ADCY4: variants seen among roughly 807,000 people sequenced by gnomAD.
ADCY4 encodes adenylate cyclase 4, also known as adenylate cyclase type 4.
Under a neutral mutation model 125.5 loss-of-function variants are expected in ADCY4, and 111 were observed. The ratio of observed to expected loss-of-function variants is 0.88; its 90% CI spans 0.76 to 1.04. The LOEUF is 1.04. Ranked by LOEUF, ADCY4 falls within the 50% of genes least tolerant of loss-of-function variation. The pLI is 0.00. For missense variants in ADCY4, 1,256 were observed against 1,382.9 expected, an observed-to-expected ratio of 0.91 and a Z score of 1.46; for synonymous variants, 576 against 586.9, an observed-to-expected ratio of 0.98 and a Z score of 0.27.
intron 16 of ADCY4, 199 bp from the exon 17 acceptor site, chr14:24,323,653 A>G (rs1165476564): frequency 4.3e-6 from 6 of 1,403,142 alleles, no homozygotes; most frequent in Non-Finnish European, 5.6e-6. Flanking sequence ...CGTCAAGAGT[A>G]CTCCTCTGAC....
chr14:24,323,190 G>A (rs965375726), intron 17 of ADCY4, 102 bp from the exon 18 acceptor site: 2 of 1,434,504 alleles, frequency 1.4e-6, no homozygotes, highest in Non-Finnish European at 1.9e-6. Flanking sequence ...GTCCTATCTG[G>A]GAGACAGGGG....
In ADCY4 at chr14:24,329,053, G is replaced by A. The variant is rs1165548663; in HGVS notation, c.1524+8C>T. On this transcript the variant is annotated splice_region_variant and intron_variant, in intron 10 of 24. Coordinates refer to ENST00000418030, the MANE Select transcript of ADCY4 (RefSeq NM_001198568.2). ...AAGCTCTGGGGCTCAGGATGAAGGT[G>A]CACATACCGGGAGAGGGGTGGAGGT... The A allele has an allele frequency of 1.9e-6, 3 of 1,612,558 alleles. No individual in the cohort carries two copies. The highest frequency in any genetic ancestry group is 2.5e-6 in the Non-Finnish European group (3 of 1,179,344).
intron 1 of ADCY4, among the ~76,000 whole-genome samples, chr14:24,333,448 T>C (rs2139229431): frequency 6.6e-6 from 1 of 152,150 alleles, no homozygotes; most frequent in South Asian, 2.1e-4. Context: ...CAGGCTGGTC[T>C]CGAGCTCCTG....
intron 6 of ADCY4, 199 bp downstream of exon 6, chr14:24,330,819 C>G: frequency 1.8e-6 from 1 of 570,026 alleles, no homozygotes; most frequent in Admixed American, 3.1e-5. Context: ...TGAGGGATCT[C>G]TGTAGGTTTG....
In ADCY4 at chr14:24,334,895, G is replaced by C. The variant is rs1193473317; in HGVS notation, c.-243C>G. 2.0e-6 allele frequency: 1 copy of C among 491,676 alleles called. No homozygotes were observed. Among genetic ancestry groups the C allele is most frequent in the African/African-American group, 2.0e-5 (1 of 49,086 alleles). 30.5% of individuals were successfully genotyped at this position (491,676 alleles called of 1,614,324 possible). On this transcript the variant is annotated 5_prime_UTR_variant, in exon 1 of 25. Coordinates refer to ENST00000418030, the MANE Select transcript of ADCY4 (RefSeq NM_001198568.2). ...CCTCCTCCCTCAAACCCGGATTGTA[G>C]AGGTGCCCTAGAAAAGCCTCATCGC...
chr14:24,333,111 A>C, intron 1 of ADCY4, 123 bp from the exon 2 acceptor site: 1 of 932,120 alleles, frequency 1.1e-6, no homozygotes. Context: ...TAAGTACGAA[A>C]AGGAGGCAAG....
chr14:24,325,371 T>A lies in ADCY4; in HGVS notation c.1823+6A>T. 6.2e-7 allele frequency: 1 copy of A among 1,612,586 alleles called. No individual in the cohort carries two copies. Among genetic ancestry groups the A allele is most frequent in the Non-Finnish European group, 8.5e-7 (1 of 1,179,098 alleles). ...CCAGGGCCTCCTTTGCCTGGGGCACTCTCACCTGTTTGTCACTAGCATCTG... is the reference window on the plus strand; with the variant it reads ...CCAGGGCCTCCTTTGCCTGGGGCACACTCACCTGTTTGTCACTAGCATCTG... On this transcript the variant is annotated splice_donor_region_variant and intron_variant, in intron 14 of 24. Coordinates refer to ENST00000418030, the MANE Select transcript of ADCY4 (RefSeq NM_001198568.2).
chr14:24,325,156 T>G (rs751257680), intron 14 of ADCY4, among the ~76,000 whole-genome samples: 15 of 151,432 alleles, frequency 9.9e-5, no homozygotes, highest in Non-Finnish European at 1.3e-4. Flanking sequence ...TCAAAAGAGA[T>G]GCTCATGGGA....
rs749637180 is a variant in ADCY4, at chr14:24,332,665, C to G, written c.376G>C (p.Val126Leu). ...AWDQVSYFLFVIFTAYAMLPL... is the reference protein window; with the variant it reads ...AWDQVSYFLFLIFTAYAMLPL... ...AGCATGGCATACGCCGTGAAGATGA[C>G]GAAGAGAAAATAGGACACCTGGGGG... The change falls in exon 3 of 25, where the codon GTC becomes CTC. Residue 126 changes from valine (V) to leucine (L), a missense_variant. Coordinates refer to ENST00000418030, the MANE Select transcript of ADCY4 (RefSeq NM_001198568.2). 1 of 1,589,550 alleles carries G rather than the reference C, an allele frequency of 6.3e-7. No homozygotes were observed. Among genetic ancestry groups the G allele is most frequent in the East Asian group, 2.3e-5 (1 of 43,858 alleles).
chr14:24,333,100 C>CTA, intron 1 of ADCY4, 112 bp from the exon 2 acceptor site: 1 of 1,129,984 alleles, frequency 8.8e-7, no homozygotes, highest in Middle Eastern at 2.7e-4. Flanking sequence ...TGTCTCAAGC[C>CTA]TAAGTACGAA....
rs139909706 is a variant in ADCY4, at chr14:24,318,426, G to A, written c.3224C>T (p.Thr1075Ile). ...DLTRTGPPSA[T>I]LG The stretch of plus-strand genomic sequence containing the variant: ...AAGGCGAGTGCAATCTCAGCCTAGG[G>A]TAGCTGAAGGAGGTCCAGTTCGTGT... The change falls in exon 25 of 25, where the codon ACC becomes ATC. Residue 1075 changes from threonine to isoleucine, a missense_variant. By Grantham distance (89) the Thr-to-Ile change is moderately conservative. Transcript: ENST00000418030. The A allele has an allele frequency of 8.7e-6, 14 of 1,613,968 alleles. No homozygotes were observed. In the East Asian group the frequency reaches 1.3e-4, roughly 15 times the overall value.
chr14:24,328,770 C>T (rs61998517), intron 10 of ADCY4: 13,187 of 382,086 alleles, frequency 0.035, 306 homozygotes, highest in Admixed American at 0.066. Flanking sequence ...ACTCTCTCGT[C>T]GTCGCACACA....
intron 14 of ADCY4, 85 bp from the exon 15 acceptor site, chr14:24,324,476 A>G (rs1392121733): frequency 1.4e-6 from 2 of 1,461,514 alleles, no homozygotes; most frequent in Non-Finnish European, 1.9e-6. Context: ...TGGGTGGGAG[A>G]TAGGGGAAGT....
At chr14:24,333,044 T>C in intron 1 of ADCY4, 56 bp from the exon 2 acceptor site, 1 of 1,477,462 alleles carries the variant, frequency 6.8e-7, no homozygotes. Context: ...ACGAACCTGA[T>C]AAAGGAAAAG....
Position 24,334,850 on chromosome 14 carries a change from G to A in ADCY4, c.-198C>T, listed in dbSNP as rs941665370. On this transcript the variant is annotated 5_prime_UTR_variant, in exon 1 of 25. Transcript: ENST00000418030. The stretch of plus-strand genomic sequence containing the variant: ...AGCCCGCTCCCAGCTGGCGATGAGG[G>A]GATCCCTCAGTCCTTTCCTCCTCCT... 7.0e-6 allele frequency: 4 copies of A among 572,502 alleles called. No homozygotes were observed. Among genetic ancestry groups the A allele is most frequent in the Non-Finnish European group, 1.2e-5 (4 of 324,782 alleles). The allele number at this position is 572,502 out of a possible 1,614,324, so 35.5% of individuals were successfully genotyped here. A position where few individuals can be genotyped will look rare whatever the true frequency, so the allele number is the denominator to read the frequency against.
At chr14:24,322,264 A>G in intron 19 of ADCY4, 40 bp from the exon 20 acceptor site, 1 of 1,584,392 alleles carries the variant, frequency 6.3e-7, no homozygotes, top group Non-Finnish European at 8.6e-7. Flanking sequence ...GACACAGAGC[A>G]GGGGAAGCCC....
chr14:24,334,247 G>A (rs1011836891), intron 1 of ADCY4, among the ~76,000 whole-genome samples: 9 of 152,120 alleles, frequency 5.9e-5, no homozygotes, highest in Middle Eastern at 3.2e-3. Flanking sequence ...CGTAGACCAC[G>A]GATGTTCATA....
At chr14:24,318,596 T>C in intron 24 of ADCY4, 28 bp from the exon 25 acceptor site, 1 of 1,614,066 alleles carries the variant, frequency 6.2e-7, no homozygotes. Context: ...CGAGGGAATA[T>C]GGAGGTGGCC....
In ADCY4 at chr14:24,323,066, A is replaced by G; in HGVS notation, c.2180T>C (p.Leu727Pro). ...AAAGAGGGAGCAGGAGAGGAAGCCC[A>G]GCGTGCAGCAGTGCATGGAGTACTG... ...SVPYSMHCCTLGFLSCSLFLH... is the reference protein window; with the variant it reads ...SVPYSMHCCTPGFLSCSLFLH... The change falls in exon 18 of 25, where the codon CTG becomes CCG. Residue 727 changes from leucine to proline, a missense_variant. Leu to Pro is a moderately conservative substitution (Grantham distance 98, BLOSUM62 -3). Coordinates refer to ENST00000418030, the MANE Select transcript of ADCY4 (RefSeq NM_001198568.2). 6.2e-7 allele frequency: 1 copy of G among 1,614,140 alleles called. No individual in the cohort carries two copies.
Sources: allele counts gnomAD v4.1 joint callset (sites outside exome capture counted in the v4.1 genomes callset), GRCh38; gene constraint gnomAD v4.1.1; transcripts MANE v1.5; gene names NCBI Gene and HGNC (gene_info 2026-07-23, HGNC 2026-07-21).